The following GUCY1A2 variants were observed in gnomAD, a reference collection of about 807,000 sequenced individuals.
The protein encoded by GUCY1A2 is guanylate cyclase 1 soluble subunit alpha 2.
A neutral mutation model predicts 63.5 loss-of-function variants in GUCY1A2; 27 were observed. The ratio of observed to expected loss-of-function variants is 0.43; its 90% CI spans 0.31 to 0.59. The LOEUF (loss-of-function observed/expected upper bound fraction) is 0.59. Ranked by LOEUF, GUCY1A2 falls within the 20% of genes least tolerant of loss-of-function variation. The pLI, the probability that GUCY1A2 is intolerant of heterozygous loss-of-function variation, is 0.11. For missense variants in GUCY1A2, 768 were observed against 913.3 expected (o/e 0.84, Z 2.05); for synonymous variants, 364 against 343.5 (o/e 1.06, Z -0.66).
At chr11:106,811,488 T>C (rs912944310) in intron 4 of GUCY1A2, among the ~76,000 whole-genome samples, 2 of 152,134 alleles carry the variant, frequency 1.3e-5, no homozygotes, top group African/African-American at 2.4e-5. Context: ...TATGTTCCAC[T>C]ACTACATGGA....
chr11:106,791,927 C>T (rs190766746), intron 5 of GUCY1A2, among the ~76,000 whole-genome samples: 2 of 152,082 alleles, frequency 1.3e-5, no homozygotes, highest in Non-Finnish European at 2.9e-5. Flanking sequence ...TGAGGAGGGA[C>T]TCCTCCCTAA....
chr11:107,006,494 G>C (rs1444246070), intron 1 of GUCY1A2, among the ~76,000 whole-genome samples: 1 of 152,144 alleles, frequency 6.6e-6, no homozygotes, highest in Admixed American at 6.5e-5. Context: ...ATTTTTCAAG[G>C]AAAACAAGAC....
chr11:106,988,550 GC>G (rs1244945069), intron 1 of GUCY1A2, among the ~76,000 whole-genome samples: 2 of 152,186 alleles, frequency 1.3e-5, no homozygotes, highest in Non-Finnish European at 2.9e-5. Flanking sequence ...TAAAGATCTA[GC>G]TTTTTTCTTG....
At chr11:106,888,881 G>A (rs1291013957) in intron 4 of GUCY1A2, among the ~76,000 whole-genome samples, 1 of 152,036 alleles carries the variant, frequency 6.6e-6, no homozygotes, top group Non-Finnish European at 1.5e-5. Flanking sequence ...CACTTCTTGA[G>A]GACAGGAAGA....
chr11:106,901,466 T>C (rs577113281), intron 4 of GUCY1A2, among the ~76,000 whole-genome samples: 1 of 152,308 alleles, frequency 6.6e-6, no homozygotes, highest in South Asian at 2.1e-4. Context: ...GCATCTACAA[T>C]GATGAAACTT....
intron 4 of GUCY1A2, among the ~76,000 whole-genome samples, chr11:106,913,986 C>CAA (rs11325847): frequency 9.1e-4 from 65 of 71,250 alleles, no homozygotes; most frequent in South Asian, 2.2e-3. Flanking sequence ...AATGAAAAAG[C>CAA]AAAAAAAAAA....
At chr11:106,865,808 T>G (rs1486799252) in intron 4 of GUCY1A2, among the ~76,000 whole-genome samples, 2 of 151,526 alleles carry the variant, frequency 1.3e-5, no homozygotes, top group African/African-American at 4.8e-5. Context: ...ATAATAATAA[T>G]AATAAAAAGA....
chr11:107,004,559 G>C (rs1188401142), intron 1 of GUCY1A2, among the ~76,000 whole-genome samples: 6 of 152,082 alleles, frequency 3.9e-5, no homozygotes, highest in African/African-American at 1.4e-4. Context: ...GACTATTCTA[G>C]GTGCTGCAAA....
intron 6 of GUCY1A2, among the ~76,000 whole-genome samples, chr11:106,726,016 T>A (rs1863401970): frequency 6.6e-6 from 1 of 152,136 alleles, no homozygotes; most frequent in Non-Finnish European, 1.5e-5. Flanking sequence ...TTATGAACTG[T>A]AAGGGCTTTT....
chr11:106,811,957 T>A (rs1858767706), intron 4 of GUCY1A2, among the ~76,000 whole-genome samples: 1 of 152,022 alleles, frequency 6.6e-6, no homozygotes, highest in South Asian at 2.1e-4. Context: ...CATTCTAAAT[T>A]CACTACCTAA....
chr11:106,891,011 G>A (rs1002406771), intron 4 of GUCY1A2, among the ~76,000 whole-genome samples: 2 of 152,056 alleles, frequency 1.3e-5, no homozygotes, highest in Non-Finnish European at 2.9e-5. Flanking sequence ...AAATTGTTAG[G>A]TCATAGGGTA....
At chr11:106,713,145 T>C (rs534702797) in intron 6 of GUCY1A2, among the ~76,000 whole-genome samples, 4 of 152,300 alleles carry the variant, frequency 2.6e-5, no homozygotes, top group South Asian at 2.1e-4. Context: ...AGGACAATCA[T>C]AGGGCTCATT....
At chr11:106,948,766 A>G (rs746913429) in intron 3 of GUCY1A2, among the ~76,000 whole-genome samples, 1 of 152,184 alleles carries the variant, frequency 6.6e-6, no homozygotes, top group Non-Finnish European at 1.5e-5. Flanking sequence ...AAGTTTTAAT[A>G]TACCACAGAA....
chr11:106,866,996 T>C (rs1051273972), intron 4 of GUCY1A2, among the ~76,000 whole-genome samples: 1 of 151,974 alleles, frequency 6.6e-6, no homozygotes, highest in Non-Finnish European at 1.5e-5. Context: ...TAAGTATAAA[T>C]ATTAACCAAA....
chr11:106,841,314 A>G (rs2135443701), intron 4 of GUCY1A2, among the ~76,000 whole-genome samples: 1 of 151,924 alleles, frequency 6.6e-6, no homozygotes, highest in South Asian at 2.1e-4. Flanking sequence ...TGTTAGGTGT[A>G]TTTGATACAA....
intron 3 of GUCY1A2, among the ~76,000 whole-genome samples, chr11:106,950,596 G>C (rs1397480576): frequency 6.6e-6 from 1 of 152,096 alleles, no homozygotes; most frequent in Non-Finnish European, 1.5e-5. Context: ...AGAAGGTGGG[G>C]GAGGGGATTA....
At chr11:106,721,893 C>T (rs4754166) in intron 6 of GUCY1A2, among the ~76,000 whole-genome samples, 80,019 of 151,944 alleles carry the variant, frequency 0.53, 21,641 homozygotes, top group Middle Eastern at 0.61. Flanking sequence ...CTATGTTGCA[C>T]CCATAGTACC....
intron 6 of GUCY1A2, among the ~76,000 whole-genome samples, chr11:106,711,269 G>T (rs992531455): frequency 1.3e-5 from 2 of 152,212 alleles, no homozygotes; most frequent in South Asian, 4.1e-4. Flanking sequence ...AGAAAAAGAT[G>T]TCTTTTTTAT....
chr11:106,722,796 G>A (rs1188106039), intron 6 of GUCY1A2, among the ~76,000 whole-genome samples: 3 of 149,808 alleles, frequency 2.0e-5, no homozygotes, highest in Non-Finnish European at 2.9e-5. Flanking sequence ...GTGTGTGTGT[G>A]TGTGTGTGTG....
Sources: gnomAD v4.1 joint callset for allele counts (sites outside exome capture counted in the v4.1 genomes callset) on GRCh38, gnomAD v4.1.1 for gene constraint, MANE v1.5 for transcripts, NCBI Gene and HGNC (gene_info 2026-07-23, HGNC 2026-07-21) for gene names.